ERC2: variants seen among roughly 807,000 people sequenced by gnomAD.
ERC2 encodes ERC protein 2.
A neutral mutation model predicts 114.8 loss-of-function variants in ERC2; 42 were observed. The observed-to-expected ratio is 0.37, with a 90% CI of 0.29 to 0.47. ERC2 has a LOEUF of 0.47. Among genes scored for constraint, ERC2 ranks in the 20% least tolerant of loss-of-function variants. The pLI is 0.99. For synonymous variants in ERC2, 454 were observed against 425.5 expected (o/e 1.07, Z -0.82); for missense variants, 939 against 1,150.7 (o/e 0.82, Z 2.66).
intron 2 of ERC2, among the ~76,000 whole-genome samples, chr3:56,423,060 C>T (rs576068536): frequency 6.6e-6 from 1 of 152,192 alleles, no homozygotes; most frequent in African/African-American, 2.4e-5. Flanking sequence ...TACCAAATGT[C>T]TACTTCTAAA....
chr3:55,965,711 G>C (rs1246286543), intron 12 of ERC2, among the ~76,000 whole-genome samples: 2 of 152,134 alleles, frequency 1.3e-5, no homozygotes, highest in African/African-American at 4.8e-5. Context: ...GGTAATTTAT[G>C]CATCCTTACA....
At chr3:55,633,331 G>A (rs957310989) in intron 17 of ERC2, among the ~76,000 whole-genome samples, 1 of 152,210 alleles carries the variant, frequency 6.6e-6, no homozygotes, top group Non-Finnish European at 1.5e-5. Flanking sequence ...ATTGAGTCCA[G>A]CAAAACCTGC....
At chr3:55,655,982 T>G (rs755101840) in intron 17 of ERC2, among the ~76,000 whole-genome samples, 12 of 152,216 alleles carry the variant, frequency 7.9e-5, no homozygotes, top group Non-Finnish European at 1.6e-4. Flanking sequence ...GTTGGAAAAC[T>G]TATCCACTTA....
intron 3 of ERC2, among the ~76,000 whole-genome samples, chr3:56,266,460 CT>C (rs1347002452): frequency 1.3e-5 from 2 of 152,072 alleles, no homozygotes; most frequent in Non-Finnish European, 2.9e-5. Flanking sequence ...AGCAAAGGAC[CT>C]AAATAGGCAT....
intron 12 of ERC2, among the ~76,000 whole-genome samples, chr3:55,967,476 G>A (rs1201640255): frequency 5.9e-5 from 9 of 152,078 alleles, no homozygotes. Context: ...CCTTTTTCTG[G>A]TATAAATCCT....
In ERC2 at chr3:56,016,980, C is replaced by T. The variant is rs186831759; in HGVS notation, c.1779+1914G>A. ...CATCCCATGCATGTGTGGACAAATCCTGCAAAGTGCTGCAGGATCAAAAAT... is the reference window on the plus strand; with the variant it reads ...CATCCCATGCATGTGTGGACAAATCTTGCAAAGTGCTGCAGGATCAAAAAT... On this transcript the variant is annotated intron_variant, in intron 8 of 17. Transcript: ENST00000288221. Among the ~76,000 whole-genome samples, 3 of 152,224 alleles carry T rather than the reference C, an allele frequency of 2.0e-5. No individual in the cohort carries two copies. In the East Asian group the frequency reaches 5.8e-4, roughly 29 times the overall value.
At chr3:55,677,715 C>A (rs947926315) in intron 17 of ERC2, among the ~76,000 whole-genome samples, 14 of 152,304 alleles carry the variant, frequency 9.2e-5, no homozygotes, top group African/African-American at 3.1e-4. Flanking sequence ...TGAGGGTCTT[C>A]TTCACTTTTT....
At chr3:56,206,737 A>G (rs780024038) in intron 3 of ERC2, among the ~76,000 whole-genome samples, 79 of 152,224 alleles carry the variant, frequency 5.2e-4, no homozygotes, top group Admixed American at 8.5e-4. Context: ...CTTTTCACTG[A>G]GTGGTATTCC....
At chr3:56,379,116 T>G (rs1183660438) in intron 2 of ERC2, among the ~76,000 whole-genome samples, 1 of 152,240 alleles carries the variant, frequency 6.6e-6, no homozygotes, top group African/African-American at 2.4e-5. Flanking sequence ...CCCATGTGTA[T>G]GTCATACTTA....
chr3:56,432,645 C>T (rs1421742340), intron 2 of ERC2, among the ~76,000 whole-genome samples: 1 of 152,172 alleles, frequency 6.6e-6, no homozygotes, highest in Admixed American at 6.5e-5. Flanking sequence ...TCCTATAGAT[C>T]ACAAATGCTT....
intron 12 of ERC2, among the ~76,000 whole-genome samples, chr3:55,961,663 T>C (rs1414026930): frequency 6.6e-6 from 1 of 151,816 alleles, no homozygotes; most frequent in Non-Finnish European, 1.5e-5. Context: ...GGTCAATGGA[T>C]GAAACAAGTC....
chr3:56,215,386 G>C (rs953947752), intron 3 of ERC2, among the ~76,000 whole-genome samples: 1 of 152,166 alleles, frequency 6.6e-6, no homozygotes, highest in Non-Finnish European at 1.5e-5. Context: ...AAGATCAAAA[G>C]AGACAAAGAA....
chr3:55,566,525 G>A (rs1431622606), intron 17 of ERC2, among the ~76,000 whole-genome samples: 1 of 152,122 alleles, frequency 6.6e-6, no homozygotes, highest in Non-Finnish European at 1.5e-5. Flanking sequence ...TCCACCTCCT[G>A]GGTTTAAGGG....
At chr3:56,192,681 A>G (rs1041511132) in intron 3 of ERC2, among the ~76,000 whole-genome samples, 4 of 152,128 alleles carry the variant, frequency 2.6e-5, no homozygotes, top group Non-Finnish European at 5.9e-5. Flanking sequence ...AGTGGGAATC[A>G]CCATAAGATG....
chr3:55,614,010 A>T lies in ERC2; in HGVS notation c.*39+69784T>A, dbSNP rs993246694. Among the ~76,000 whole-genome samples, 54 of 129,898 alleles carry T rather than the reference A, an allele frequency of 4.2e-4. No homozygotes were observed. In the East Asian group the frequency reaches 0.012, roughly 30 times the overall value. The allele number at this position is 129,898 out of a possible 152,430, so 85.2% of individuals were successfully genotyped here. A position where few individuals can be genotyped will look rare whatever the true frequency, so the allele number is the denominator to read the frequency against. On this transcript the variant is annotated intron_variant, in intron 17 of 17. Transcript: ENST00000288221. ...AAAAAAAAAAAAAAAAAAAAAAAAA[A>T]AAAGAAGACATGGCTGGGCTACTTT...
chr3:56,043,177 T>C (rs907146297), intron 7 of ERC2, among the ~76,000 whole-genome samples: 2 of 152,202 alleles, frequency 1.3e-5, no homozygotes, highest in African/African-American at 4.8e-5. Flanking sequence ...AGAAGATTTA[T>C]TTTTGTTTGT....
intron 3 of ERC2, among the ~76,000 whole-genome samples, chr3:56,237,982 TCACATCTG>T (rs1218118379): frequency 2.6e-5 from 4 of 152,176 alleles, no homozygotes; most frequent in African/African-American, 9.6e-5. Context: ...GAAGATATTG[TCACATCTG>T]CACCACTATT....
At chr3:55,768,174 T>C (rs1271727754) in intron 14 of ERC2, among the ~76,000 whole-genome samples, 3 of 152,224 alleles carry the variant, frequency 2.0e-5, no homozygotes, top group African/African-American at 7.2e-5. Flanking sequence ...CATGAGCCAA[T>C]TAAACCTCTT....
rs138065195 is a variant in ERC2, at chr3:55,633,065, C to T, written c.*39+50729G>A. ...ATTATCTCCTAGGCATAGGGAAGTGCACACATGAGTAACCTCCCTCTTTGG... is the reference window on the plus strand; with the variant it reads ...ATTATCTCCTAGGCATAGGGAAGTGTACACATGAGTAACCTCCCTCTTTGG... On this transcript the variant is annotated intron_variant, in intron 17 of 17. Transcript: ENST00000288221. Among the ~76,000 whole-genome samples, 752 of 152,280 alleles carry T rather than the reference C, an allele frequency of 4.9e-3. 7 individuals are homozygous for T. The highest frequency in any genetic ancestry group is 0.018 in the African/African-American group (734 of 41,550).
Sources: gnomAD v4.1 joint callset for allele counts (sites outside exome capture counted in the v4.1 genomes callset) on GRCh38, gnomAD v4.1.1 for gene constraint, MANE v1.5 for transcripts, NCBI Gene and HGNC (gene_info 2026-07-23, HGNC 2026-07-21) for gene names.